Variants in NXPH1 observed in about 807,000 individuals in gnomAD.
NXPH1 encodes the protein neurexophilin 1, also known as neurexophilin-1.
Under a neutral mutation model 23.7 loss-of-function variants are expected in NXPH1, and 5 were observed. The observed-to-expected ratio is 0.21, with a 90% CI of 0.11 to 0.44. NXPH1 has a LOEUF of 0.44. Among genes scored for constraint, NXPH1 ranks in the 20% least tolerant of loss-of-function variants. The pLI is 0.99. For missense variants in NXPH1, 324 were observed against 321.6 expected, an observed-to-expected ratio of 1.01 and a Z score of -0.06; for synonymous variants, 144 against 122.2, an observed-to-expected ratio of 1.18 and a Z score of -1.18.
intron 2 of NXPH1, among the ~76,000 whole-genome samples, chr7:8,436,005 G>A (rs922390684): frequency 6.6e-6 from 1 of 152,184 alleles, no homozygotes; most frequent in African/African-American, 2.4e-5. Context: ...AGGGGCTAGG[G>A]CGCCCCAGAC....
chr7:8,723,704 T>A (rs993057042), intron 2 of NXPH1, among the ~76,000 whole-genome samples: 3 of 152,168 alleles, frequency 2.0e-5, no homozygotes, highest in African/African-American at 7.2e-5. Flanking sequence ...TAGGAAGGAT[T>A]TGTATAGGGT....
Position 8,545,156 on chromosome 7 carries a change from A to G in NXPH1, c.54+109389A>G, listed in dbSNP as rs115924188. ...TCCAAAATAAAGGAAGAGGAATATT[A>G]TTCAGGGAAAGTTTTATCCCAAAGA... On this transcript the variant is annotated intron_variant, in intron 2 of 2. Coordinates refer to ENST00000405863, the MANE Select transcript of NXPH1 (RefSeq NM_152745.3). Among the ~76,000 whole-genome samples the G allele has an allele frequency of 2.2e-3, 332 of 151,688 alleles. 2 individuals carry two copies. Among genetic ancestry groups the G allele is most frequent in the African/African-American group, 7.6e-3 (316 of 41,498 alleles).
chr7:8,714,543 T>C (rs549103256), intron 2 of NXPH1, among the ~76,000 whole-genome samples: 106 of 151,960 alleles, frequency 7.0e-4, no homozygotes, highest in Non-Finnish European at 1.4e-3. Flanking sequence ...GTTAATGTGC[T>C]GGGTCACACA....
At position 8,572,822 on chromosome 7, in the gene NXPH1, A is replaced by G. The variant is rs371211949; in HGVS notation, c.54+137055A>G. On this transcript the variant is annotated intron_variant, in intron 2 of 2. Coordinates refer to ENST00000405863, the MANE Select transcript of NXPH1 (RefSeq NM_152745.3). The stretch of plus-strand genomic sequence containing the variant: ...AATTAAAAATAGTTGGAAGTAAGAA[A>G]TATTATGAGGCCACAGAGAAATAAG... Among the ~76,000 whole-genome samples the G allele has an allele frequency of 6.0e-4, 91 of 152,166 alleles. No homozygotes were observed. In the South Asian group the frequency reaches 0.018, roughly 30 times the overall value.
intron 2 of NXPH1, among the ~76,000 whole-genome samples, chr7:8,739,083 G>A (rs1479629955): frequency 6.8e-6 from 1 of 146,236 alleles, no homozygotes; most frequent in Non-Finnish European, 1.5e-5. Flanking sequence ...GGGATCCACT[G>A]AGCAAGACCA....
intron 2 of NXPH1, among the ~76,000 whole-genome samples, chr7:8,697,652 T>C (rs1463274188): frequency 2.6e-5 from 4 of 152,134 alleles, no homozygotes; most frequent in Non-Finnish European, 5.9e-5. Flanking sequence ...ATTGATGAGA[T>C]GGGGAGGATC....
chr7:8,654,162 T>G (rs1313193355), intron 2 of NXPH1, among the ~76,000 whole-genome samples: 1 of 152,238 alleles, frequency 6.6e-6, no homozygotes, highest in African/African-American at 2.4e-5. Context: ...CTTCTTCTAT[T>G]TCTCTTAAGA....
At chr7:8,665,975 A>G (rs1299995594) in intron 2 of NXPH1, among the ~76,000 whole-genome samples, 1 of 137,508 alleles carries the variant, frequency 7.3e-6, no homozygotes, top group African/African-American at 2.7e-5. Context: ...AGACCATGTC[A>G]TCTACAAACA....
At chr7:8,612,677 A>C (rs1271029711) in intron 2 of NXPH1, among the ~76,000 whole-genome samples, 1 of 151,956 alleles carries the variant, frequency 6.6e-6, no homozygotes, top group African/African-American at 2.4e-5. Context: ...TTGATATTAG[A>C]CCACTACTTA....
intron 2 of NXPH1, among the ~76,000 whole-genome samples, chr7:8,745,709 C>G (rs922842596): frequency 6.8e-6 from 1 of 147,420 alleles, no homozygotes; most frequent in Non-Finnish European, 1.5e-5. Context: ...TGTGCCACCA[C>G]GCCCAGCTAA....
intron 2 of NXPH1, among the ~76,000 whole-genome samples, chr7:8,684,637 GA>G (rs1347460116): frequency 6.6e-6 from 1 of 152,138 alleles, no homozygotes; most frequent in African/African-American, 2.4e-5. Context: ...ACTGTTTGGA[GA>G]GGTTTTACTT....
At chr7:8,606,028 G>A (rs561206631) in intron 2 of NXPH1, among the ~76,000 whole-genome samples, 1 of 152,034 alleles carries the variant, frequency 6.6e-6, no homozygotes, top group Admixed American at 6.6e-5. Context: ...AATTCTTCCT[G>A]TGTCTAATAT....
intron 2 of NXPH1, among the ~76,000 whole-genome samples, chr7:8,577,999 G>A (rs1818787305): frequency 6.6e-6 from 1 of 152,146 alleles, no homozygotes; most frequent in African/African-American, 2.4e-5. Context: ...GAAACCTCAC[G>A]AAATACTCTG....
chr7:8,468,848 TAATAA>T (rs934214657), intron 2 of NXPH1, among the ~76,000 whole-genome samples: 1 of 152,092 alleles, frequency 6.6e-6, no homozygotes, highest in Non-Finnish European at 1.5e-5. Context: ...TTACCCAAGA[TAATAA>T]AATTATGGAA....
At chr7:8,488,364 CA>C (rs1291463992) in intron 2 of NXPH1, among the ~76,000 whole-genome samples, 1 of 151,880 alleles carries the variant, frequency 6.6e-6, no homozygotes, top group Non-Finnish European at 1.5e-5. Context: ...TATCAGGCTT[CA>C]AAAAAAGTAA....
intron 2 of NXPH1, among the ~76,000 whole-genome samples, chr7:8,578,982 C>T (rs980063509): frequency 1.3e-5 from 2 of 152,122 alleles, no homozygotes; most frequent in Non-Finnish European, 2.9e-5. Context: ...ATGGATGGAG[C>T]AGGACAAGGA....
At chr7:8,534,051 T>C (rs1364681578) in intron 2 of NXPH1, among the ~76,000 whole-genome samples, 4 of 152,270 alleles carry the variant, frequency 2.6e-5, no homozygotes, top group East Asian at 1.9e-4. Flanking sequence ...CCAAAACTTA[T>C]TAGTTTAATG....
At chr7:8,473,252 C>T (rs1816898193) in intron 2 of NXPH1, among the ~76,000 whole-genome samples, 1 of 152,134 alleles carries the variant, frequency 6.6e-6, no homozygotes, top group African/African-American at 2.4e-5. Context: ...TGTTCCCAAC[C>T]AAGGCTTGAA....
At chr7:8,682,910 C>T (rs1007322579) in intron 2 of NXPH1, among the ~76,000 whole-genome samples, 2 of 152,202 alleles carry the variant, frequency 1.3e-5, no homozygotes, top group Non-Finnish European at 2.9e-5. Flanking sequence ...CAGCTTATTC[C>T]AGCACAAAGA....
Sources: allele counts gnomAD v4.1 joint callset (sites outside exome capture counted in the v4.1 genomes callset), GRCh38; gene constraint gnomAD v4.1.1; transcripts MANE v1.5; gene names NCBI Gene and HGNC (gene_info 2026-07-23, HGNC 2026-07-21).